Variants in CHSY3 observed in about 807,000 individuals in gnomAD.
CHSY3 encodes N-acetylgalactosaminyl-proteoglycan 3-beta-glucuronosyltransferase 3.
A neutral mutation model predicts 67.2 loss-of-function variants in CHSY3; 35 were observed. The observed-to-expected ratio is 0.52, with a 90% confidence interval of 0.40 to 0.69. The LOEUF (loss-of-function observed/expected upper bound fraction) is 0.69. CHSY3 is among the 30% of genes least tolerant of loss of function. The pLI is 0.00. For synonymous variants in CHSY3, 474 were observed against 434.7 expected (o/e 1.09, Z -1.12); for missense variants, 1,069 against 1,138.5 (o/e 0.94, Z 0.88).
chr5:129,983,359 T>A (rs1285745253), intron 2 of CHSY3, among the ~76,000 whole-genome samples: 1 of 152,070 alleles, frequency 6.6e-6, no homozygotes, highest in African/African-American at 2.4e-5. Context: ...ATTTTTTTCA[T>A]GGTGTTCTTT....
At chr5:130,015,132 A>T (rs897552989) in intron 2 of CHSY3, among the ~76,000 whole-genome samples, 1 of 152,054 alleles carries the variant, frequency 6.6e-6, no homozygotes, top group African/African-American at 2.4e-5. Context: ...AGTTTTTCTC[A>T]TGAGATCTGA....
chr5:129,924,373 C>T (rs6881101), intron 2 of CHSY3, among the ~76,000 whole-genome samples: 1,993 of 152,076 alleles, frequency 0.013, 44 homozygotes, highest in African/African-American at 0.045. Flanking sequence ...AACGGCCGAG[C>T]GCAGTGGCTC....
At chr5:129,942,824 TCTTCA>T (rs1761737957) in intron 2 of CHSY3, among the ~76,000 whole-genome samples, 1 of 152,216 alleles carries the variant, frequency 6.6e-6, no homozygotes, top group Admixed American at 6.6e-5. Context: ...TTTAATGTTT[TCTTCA>T]CTTATGACAT....
intron 2 of CHSY3, among the ~76,000 whole-genome samples, chr5:129,935,066 A>T (rs2249212): frequency 0.14 from 21,641 of 152,136 alleles, 2,096 homozygotes; most frequent in East Asian, 0.32. Flanking sequence ...AGATAAACAA[A>T]ATTTCCTTAG....
chr5:130,066,083 C>T (rs1765875852), intron 2 of CHSY3, among the ~76,000 whole-genome samples: 1 of 152,086 alleles, frequency 6.6e-6, no homozygotes, highest in East Asian at 1.9e-4. Flanking sequence ...TCTTTGCCCT[C>T]ATTTCTCCAT....
At chr5:130,181,996 G>GTA (rs139517065) in intron 2 of CHSY3, among the ~76,000 whole-genome samples, 126,443 of 150,154 alleles carry the variant, frequency 0.84, 53,525 homozygotes, top group Middle Eastern at 0.9. Flanking sequence ...GTGTATGTAT[G>GTA]TATATATATA....
chr5:129,976,258 G>A lies in CHSY3; in HGVS notation c.1086+67898G>A, dbSNP rs937484853. Reference sequence around the variant, plus strand: ...TCTTTGATGAACTGGAAGTTTCCTGGATAGGCAGAAAATTCATAAGGAATC... The same window carrying A: ...TCTTTGATGAACTGGAAGTTTCCTGAATAGGCAGAAAATTCATAAGGAATC... On this transcript the variant is annotated intron_variant, in intron 2 of 2. Coordinates refer to ENST00000305031, the MANE Select transcript of CHSY3 (RefSeq NM_175856.5). Among the ~76,000 whole-genome samples the A allele has an allele frequency of 2.6e-5, 4 of 152,188 alleles. No homozygotes were observed. The South Asian group carries it at 8.3e-4, about 32-fold the overall frequency.
intron 2 of CHSY3, among the ~76,000 whole-genome samples, chr5:130,013,578 T>G (rs1033218686): frequency 5.9e-5 from 9 of 152,146 alleles, no homozygotes; most frequent in Admixed American, 5.9e-4. Flanking sequence ...GCTTGCACAC[T>G]CTGAAACAAT....
chr5:130,091,092 T>A (rs1007844457), intron 2 of CHSY3, among the ~76,000 whole-genome samples: 2 of 151,224 alleles, frequency 1.3e-5, no homozygotes, highest in Non-Finnish European at 2.9e-5. Flanking sequence ...CCAGGTCTGC[T>A]GTTTCTGAAC....
At chr5:129,989,007 G>A (rs1167690459) in intron 2 of CHSY3, among the ~76,000 whole-genome samples, 5 of 152,194 alleles carry the variant, frequency 3.3e-5, no homozygotes, top group Non-Finnish European at 5.9e-5. Flanking sequence ...GATGCCTCTA[G>A]AATGAAAGGA....
At chr5:130,049,908 A>G (rs1474038268) in intron 2 of CHSY3, among the ~76,000 whole-genome samples, 1 of 151,950 alleles carries the variant, frequency 6.6e-6, no homozygotes, top group Non-Finnish European at 1.5e-5. Flanking sequence ...TGCTCTTTTC[A>G]TGAGACAGCA....
intron 2 of CHSY3, among the ~76,000 whole-genome samples, chr5:130,047,185 T>C (rs1460168308): frequency 6.6e-6 from 1 of 151,912 alleles, no homozygotes; most frequent in Non-Finnish European, 1.5e-5. Flanking sequence ...CTTGGGAAAA[T>C]AAAAATAAAA....
chr5:130,015,708 T>C (rs1326408508), intron 2 of CHSY3, among the ~76,000 whole-genome samples: 1 of 152,184 alleles, frequency 6.6e-6, no homozygotes, highest in Non-Finnish European at 1.5e-5. Flanking sequence ...GAACTATGAT[T>C]CAACCCATCA....
At chr5:130,156,788 C>G (rs1276337229) in intron 2 of CHSY3, among the ~76,000 whole-genome samples, 1 of 152,160 alleles carries the variant, frequency 6.6e-6, no homozygotes, top group African/African-American at 2.4e-5. Flanking sequence ...TGGCTGAAAC[C>G]ATAGGATCAG....
At chr5:129,973,582 T>G (rs1425490413) in intron 2 of CHSY3, among the ~76,000 whole-genome samples, 1 of 152,144 alleles carries the variant, frequency 6.6e-6, no homozygotes, top group Non-Finnish European at 1.5e-5. Context: ...CGCCCCACTG[T>G]TAAGTATGAT....
intron 2 of CHSY3, among the ~76,000 whole-genome samples, chr5:130,076,714 C>A (rs1185381510): frequency 6.6e-6 from 1 of 152,016 alleles, no homozygotes; most frequent in Non-Finnish European, 1.5e-5. Context: ...AATAATGCTA[C>A]ATTACTCCTA....
chr5:130,143,704 T>C (rs1768946242), intron 2 of CHSY3, among the ~76,000 whole-genome samples: 1 of 139,198 alleles, frequency 7.2e-6, no homozygotes, highest in African/African-American at 2.7e-5. Flanking sequence ...ATCATACCCA[T>C]AGGGTATATA....
At chr5:130,164,015 C>T (rs532568532) in intron 2 of CHSY3, among the ~76,000 whole-genome samples, 1 of 152,268 alleles carries the variant, frequency 6.6e-6, no homozygotes, top group African/African-American at 2.4e-5. Flanking sequence ...ACAGAATTTT[C>T]TCTTCAAGTG....
chr5:129,957,666 T>C (rs1762216741), intron 2 of CHSY3, among the ~76,000 whole-genome samples: 1 of 152,190 alleles, frequency 6.6e-6, no homozygotes, highest in Non-Finnish European at 1.5e-5. Flanking sequence ...CACTGTGATA[T>C]TGAAATATTT....
Sources: allele counts gnomAD v4.1 joint callset (sites outside exome capture counted in the v4.1 genomes callset), GRCh38; gene constraint gnomAD v4.1.1; transcripts MANE v1.5; gene names NCBI Gene and HGNC (gene_info 2026-07-23, HGNC 2026-07-21).